CARMIL1: variants seen among roughly 807,000 people sequenced by gnomAD.
CARMIL1 encodes capping protein regulator and myosin 1 linker 1, also known as F-actin-uncapping protein LRRC16A.
Under a neutral mutation model 177.1 loss-of-function variants are expected in CARMIL1, and 90 were observed. The observed-to-expected ratio is 0.51, with a 90% CI of 0.43 to 0.61. CARMIL1 has a LOEUF of 0.61. Ranked by LOEUF, CARMIL1 falls within the 20% of genes least tolerant of loss-of-function variation. The probability of loss-of-function intolerance (pLI) is 0.00; values close to 1 mark genes in which losing one functional copy is unlikely to be tolerated. For synonymous variants in CARMIL1, 577 were observed against 606.2 expected, an observed-to-expected ratio of 0.95 and a Z score of 0.71; for missense variants, 1,380 against 1,667.0, an observed-to-expected ratio of 0.83 and a Z score of 3.00.
At chr6:25,354,196 G>A (rs79609187) in intron 2 of CARMIL1, among the ~76,000 whole-genome samples, 8,526 of 152,032 alleles carry the variant, frequency 0.056, 283 homozygotes, top group Non-Finnish European at 0.088. Context: ...TATTTTGTCT[G>A]TCACCTAGGC....
At chr6:25,321,773 C>T (rs1212658466) in intron 2 of CARMIL1, among the ~76,000 whole-genome samples, 3 of 151,892 alleles carry the variant, frequency 2.0e-5, no homozygotes, top group African/African-American at 4.8e-5. Flanking sequence ...ATTCTCCTGC[C>T]TCAGCCTCCC....
intron 2 of CARMIL1, among the ~76,000 whole-genome samples, chr6:25,349,047 T>C (rs141886111): frequency 2.0e-5 from 3 of 152,376 alleles, no homozygotes; most frequent in Non-Finnish European, 4.4e-5. Flanking sequence ...CAGTAATTTG[T>C]ATTAATTCCT....
intron 2 of CARMIL1, among the ~76,000 whole-genome samples, chr6:25,331,134 C>T (rs1785588822): frequency 6.6e-6 from 1 of 152,162 alleles, no homozygotes; most frequent in Non-Finnish European, 1.5e-5. Flanking sequence ...AAGTATCTCC[C>T]TTGCTTGTAC....
chr6:25,417,436 A>G (rs1795457897), intron 2 of CARMIL1, among the ~76,000 whole-genome samples: 1 of 152,174 alleles, frequency 6.6e-6, no homozygotes, highest in Non-Finnish European at 1.5e-5. Context: ...GTATTAGCCA[A>G]AGATTAACTA....
rs111263321 is a variant in CARMIL1 at position 25,400,092 on chromosome 6, T to A, written c.139-20022T>A. 1.3e-3 allele frequency among the ~76,000 whole-genome samples: 200 copies of A among 152,300 alleles called. 1 individual carries two copies. Among genetic ancestry groups the A allele is most frequent in the African/African-American group, 4.4e-3 (183 of 41,552 alleles). ...CTGTACCATTCACCTTACAATTATA[T>A]CTGTAGGTATTGTCTGACTCATAGA... On this transcript the variant is annotated intron_variant, in intron 2 of 36. Transcript: ENST00000329474.
chr6:25,309,831 A>C (rs981870991), intron 2 of CARMIL1, among the ~76,000 whole-genome samples: 2 of 143,596 alleles, frequency 1.4e-5, no homozygotes, highest in African/African-American at 5.2e-5. Flanking sequence ...ATGCAATGGC[A>C]CGATCTCGGC....
chr6:25,500,728 C>T (rs1375536533), intron 17 of CARMIL1, among the ~76,000 whole-genome samples: 1 of 152,006 alleles, frequency 6.6e-6, no homozygotes, highest in Admixed American at 6.6e-5. Flanking sequence ...TCAAAGAGCT[C>T]ATAAGAACTG....
chr6:25,579,338 G>C (rs935369072), intron 29 of CARMIL1, among the ~76,000 whole-genome samples: 3 of 150,406 alleles, frequency 2.0e-5, no homozygotes, highest in Admixed American at 1.3e-4. Context: ...AAATGAAATT[G>C]GCTAAAAATT....
chr6:25,297,161 A>C (rs1020730504), intron 2 of CARMIL1, among the ~76,000 whole-genome samples: 2 of 152,200 alleles, frequency 1.3e-5, no homozygotes, highest in Non-Finnish European at 2.9e-5. Flanking sequence ...GGACAGCACA[A>C]ATGTTGAAGT....
intron 15 of CARMIL1, among the ~76,000 whole-genome samples, chr6:25,494,161 C>T (rs1803479784): frequency 6.6e-6 from 1 of 151,024 alleles, no homozygotes; most frequent in Admixed American, 6.6e-5. Flanking sequence ...TTTTAGGGTA[C>T]ATGTGCACAA....
chr6:25,535,847 G>A (rs1276440819), intron 24 of CARMIL1, among the ~76,000 whole-genome samples: 1 of 152,202 alleles, frequency 6.6e-6, no homozygotes, highest in Non-Finnish European at 1.5e-5. Context: ...TCATGGTAAA[G>A]GATCTAAATG....
chr6:25,338,987 T>A (rs1184101512), intron 2 of CARMIL1, among the ~76,000 whole-genome samples: 1 of 152,146 alleles, frequency 6.6e-6, no homozygotes, highest in Non-Finnish European at 1.5e-5. Context: ...TTCGATGAAA[T>A]GTATACATTC....
At chr6:25,516,476 C>T (rs761908613) in intron 21 of CARMIL1, among the ~76,000 whole-genome samples, 1 of 152,162 alleles carries the variant, frequency 6.6e-6, no homozygotes, top group African/African-American at 2.4e-5. Flanking sequence ...ATTCACATTG[C>T]TCCTCAAGGG....
At chr6:25,546,199 T>A (rs954967967) in intron 26 of CARMIL1, among the ~76,000 whole-genome samples, 11 of 152,188 alleles carry the variant, frequency 7.2e-5, no homozygotes, top group African/African-American at 2.7e-4. Context: ...GCAAAGATGT[T>A]TATAATCATC....
At chr6:25,552,297 C>A (rs1176642176) in intron 27 of CARMIL1, among the ~76,000 whole-genome samples, 4 of 152,070 alleles carry the variant, frequency 2.6e-5, no homozygotes, top group African/African-American at 4.8e-5. Flanking sequence ...GGCCACTATT[C>A]TTTCATAATA....
chr6:25,381,604 C>T (rs1248653190), intron 2 of CARMIL1, among the ~76,000 whole-genome samples: 1 of 152,158 alleles, frequency 6.6e-6, no homozygotes, highest in Non-Finnish European at 1.5e-5. Flanking sequence ...AGTCACTTTA[C>T]TTCCTATTAC....
intron 2 of CARMIL1, among the ~76,000 whole-genome samples, chr6:25,288,741 A>G (rs1333076224): frequency 6.6e-6 from 1 of 152,138 alleles, no homozygotes; most frequent in Non-Finnish European, 1.5e-5. Flanking sequence ...AGTTCACCAT[A>G]AGGCCAAGAG....
chr6:25,610,613 A>G (rs1243226830), intron 36 of CARMIL1, among the ~76,000 whole-genome samples: 3 of 152,164 alleles, frequency 2.0e-5, no homozygotes, highest in Non-Finnish European at 4.4e-5. Context: ...GGCCTGAGCC[A>G]CCTTGCAGCT....
At chr6:25,552,552 T>C (rs371419582) in intron 27 of CARMIL1, among the ~76,000 whole-genome samples, 20 of 152,312 alleles carry the variant, frequency 1.3e-4, no homozygotes, top group East Asian at 9.6e-4. Context: ...TCATATAATA[T>C]GCACATTTGC....
Sources: allele counts gnomAD v4.1 joint callset (sites outside exome capture counted in the v4.1 genomes callset), GRCh38; gene constraint gnomAD v4.1.1; transcripts MANE v1.5; gene names NCBI Gene and HGNC (gene_info 2026-07-23, HGNC 2026-07-21).